Variants in ANGPTL5 observed in about 807,000 individuals in gnomAD.
ANGPTL5 encodes angiopoietin like 5, also known as angiopoietin-related protein 5.
In ANGPTL5, 34 loss-of-function variants were observed where a neutral mutation model predicts 39.4. The observed-to-expected ratio is 0.86, with a 90% CI of 0.66 to 1.15. ANGPTL5 has a LOEUF of 1.15. Ranked by LOEUF, ANGPTL5 falls within the 50% of genes most tolerant of loss-of-function variation. The pLI, the probability that ANGPTL5 is intolerant of heterozygous loss-of-function variation, is 0.00. For synonymous variants in ANGPTL5, 146 were observed against 152.1 expected, an observed-to-expected ratio of 0.96 and a Z score of 0.29; for missense variants, 467 against 457.5, an observed-to-expected ratio of 1.02 and a Z score of -0.19.
chr11:101,896,520 T>C (rs1263333853), intron 7 of ANGPTL5, among the ~76,000 whole-genome samples: 1 of 152,078 alleles, frequency 6.6e-6, no homozygotes, highest in Non-Finnish European at 1.5e-5. Flanking sequence ...CCCCACCCCC[T>C]GACAGGCTCC....
intron 1 of ANGPTL5, chr11:101,915,102 C>T (rs1940170612): frequency 2.3e-6 from 2 of 851,160 alleles, no homozygotes; most frequent in South Asian, 2.5e-5. Context: ...CAGCTGCCAT[C>T]GCCGCTACAG....
rs765615860 is a variant in ANGPTL5 at position 101,904,871 on chromosome 11, T to G, written c.382A>C (p.Thr128Pro). 1 of 1,613,626 alleles carries G rather than the reference T, an allele frequency of 6.2e-7. No homozygotes were observed. The highest frequency in any genetic ancestry group is 8.5e-7 in the Non-Finnish European group (1 of 1,179,620). ...TCCAGCTGTTTTCTAAAAACTTCTGTAGTCAAAAGGAGAACTCTATTCATG... is the reference window on the plus strand; with the variant it reads ...TCCAGCTGTTTTCTAAAAACTTCTGGAGTCAAAAGGAGAACTCTATTCATG... Reference protein sequence around the residue: ...ELMNRVLLLTTEVFRKQLDPF... With the variant: ...ELMNRVLLLTPEVFRKQLDPF... Residue 128 changes from threonine to proline, a missense_variant, in exon 5 of 9, where the codon ACA (threonine) becomes CCA (proline). Physicochemically the swap from Thr to Pro is conservative, Grantham distance 38 (BLOSUM62 -1). Coordinates refer to ENST00000334289, the MANE Select transcript of ANGPTL5 (RefSeq NM_178127.5).
chr11:101,913,557 C>T (rs1213934084), intron 1 of ANGPTL5, among the ~76,000 whole-genome samples: 5 of 152,016 alleles, frequency 3.3e-5, no homozygotes, highest in East Asian at 3.9e-4. Flanking sequence ...TCATAAATTA[C>T]GTGTTTTTTT....
chr11:101,902,800 G>A (rs1939928536), intron 5 of ANGPTL5, 79 bp from the exon 6 acceptor site: 1 of 830,582 alleles, frequency 1.2e-6, no homozygotes, highest in Non-Finnish European at 2.0e-6. Context: ...AGAATTGATA[G>A]TGCTATTATC....
chr11:101,904,707 G>C, intron 5 of ANGPTL5, 107 bp downstream of exon 5: 1 of 960,506 alleles, frequency 1.0e-6, no homozygotes, highest in Non-Finnish European at 1.7e-6. Context: ...GTTAGAGAAC[G>C]GTGAGCTGTA....
At chr11:101,893,324 A>G (rs1454133360) in intron 8 of ANGPTL5, among the ~76,000 whole-genome samples, 1 of 152,232 alleles carries the variant, frequency 6.6e-6, no homozygotes, top group East Asian at 1.9e-4. Flanking sequence ...TGTGTTGCTC[A>G]AATATTCAAA....
intron 6 of ANGPTL5, among the ~76,000 whole-genome samples, chr11:101,902,282 C>T (rs2137058136): frequency 6.6e-6 from 1 of 152,172 alleles, no homozygotes; most frequent in East Asian, 1.9e-4. Flanking sequence ...CTAATTAAAG[C>T]AAGCAAGTAT....
chr11:101,909,601 A>G (rs1321302807), intron 1 of ANGPTL5, among the ~76,000 whole-genome samples: 5 of 152,234 alleles, frequency 3.3e-5, no homozygotes, highest in Admixed American at 3.3e-4. Context: ...TAAATCAGCC[A>G]GATGTTAAAA....
In ANGPTL5 at chr11:101,907,956, C is replaced by G. The variant is rs1037613629; in HGVS notation, c.-47G>C. On this transcript the variant is annotated 5_prime_UTR_variant, in exon 2 of 9. Transcript: ENST00000334289. ...ACACTTCTTCAAATATCAGTCAGCTCTTTGTGGAAAGAACTACAGAGCATA... is the reference window on the plus strand; with the variant it reads ...ACACTTCTTCAAATATCAGTCAGCTGTTTGTGGAAAGAACTACAGAGCATA... 7.4e-7 allele frequency: 1 copy of G among 1,357,406 alleles called. No homozygotes were observed. Among genetic ancestry groups the G allele is most frequent in the Non-Finnish European group, 1.0e-6 (1 of 952,680 alleles). 84.1% of individuals were successfully genotyped at this position (1,357,406 alleles called of 1,614,324 possible). A position where few individuals can be genotyped will look rare whatever the true frequency, so the allele number is the denominator to read the frequency against.
At chr11:101,892,127 G>T (rs574687658) in intron 8 of ANGPTL5, among the ~76,000 whole-genome samples, 1 of 152,236 alleles carries the variant, frequency 6.6e-6, no homozygotes, top group African/African-American at 2.4e-5. Context: ...TACTGTTGAG[G>T]TGTACCTTTT....
At chr11:101,908,210 A>C (rs1466152264) in intron 1 of ANGPTL5, among the ~76,000 whole-genome samples, 4 of 152,208 alleles carry the variant, frequency 2.6e-5, no homozygotes, top group Non-Finnish European at 5.9e-5. Context: ...TAAATAAATA[A>C]ATAAATGACA....
At chr11:101,905,706 G>A (rs1939987340) in intron 4 of ANGPTL5, 38 bp downstream of exon 4, 7 of 1,358,470 alleles carry the variant, frequency 5.2e-6, no homozygotes, top group Non-Finnish European at 7.4e-6. Context: ...ACATCAACGT[G>A]TACATGCAAT....
At chr11:101,913,086 C>T (rs1426744698) in intron 1 of ANGPTL5, among the ~76,000 whole-genome samples, 1 of 152,224 alleles carries the variant, frequency 6.6e-6, no homozygotes, top group Non-Finnish European at 1.5e-5. Context: ...CAGACACTGA[C>T]TAACTGACCC....
At position 101,891,035 on chromosome 11, in the gene ANGPTL5, G is replaced by T. The variant is rs181118192; in HGVS notation, c.*244C>A. On this transcript the variant is annotated 3_prime_UTR_variant, in exon 9 of 9. Coordinates refer to ENST00000334289, the MANE Select transcript of ANGPTL5 (RefSeq NM_178127.5). ...ATAAATTTTAGGAAGACAAGTTGTA[G>T]TTCACTTGAAACAAATTTCATTGTA... is the stretch of plus-strand genomic sequence containing the variant. 1 of 316,932 alleles carries T rather than the reference G, an allele frequency of 3.2e-6. No individual in the cohort carries two copies. Among genetic ancestry groups the T allele is most frequent in the Non-Finnish European group, 5.7e-6 (1 of 174,210 alleles). The allele number at this position is 316,932 out of a possible 1,614,324, so 19.6% of individuals were successfully genotyped here.
intron 4 of ANGPTL5, 124 bp from the exon 5 acceptor site, chr11:101,905,031 C>T: frequency 1.4e-6 from 1 of 723,638 alleles, no homozygotes; most frequent in Non-Finnish European, 2.4e-6. Context: ...TTTCTTACTG[C>T]TTTAACAAAG....
chr11:101,899,672 T>C (rs1376926664), intron 7 of ANGPTL5, among the ~76,000 whole-genome samples: 4 of 152,228 alleles, frequency 2.6e-5, no homozygotes, highest in Non-Finnish European at 2.9e-5. Flanking sequence ...AAATTGCTTC[T>C]AAAATCACTG....
intron 3 of ANGPTL5, 106 bp from the exon 4 acceptor site, chr11:101,905,953 A>G (rs1939991511): frequency 4.4e-6 from 3 of 680,538 alleles, no homozygotes; most frequent in African/African-American, 3.6e-5. Flanking sequence ...TGTTAACTCA[A>G]TACTATCTCA....
chr11:101,902,697 TC>T lies in ANGPTL5; in HGVS notation c.463del (p.Asp155IlefsTer15). The T allele has an allele frequency of 6.2e-7, 1 of 1,610,930 alleles. No homozygotes were observed. Among genetic ancestry groups the T allele is most frequent in the Non-Finnish European group, 8.5e-7 (1 of 1,177,684 alleles). Reference protein sequence around the residue: ...SHGLDCTDIKDTIGSVTKTPS... With the variant: ...SHGLDCTDIKXTIGSVTKTPS... Reference sequence around the variant, plus strand: ...TGTTTTGGTGACAGAGCCAATGGTATCCTTAATATCAGTGCAATCTAAACCT... The same window carrying T: ...TGTTTTGGTGACAGAGCCAATGGTATCTTAATATCAGTGCAATCTAAACCT... On this transcript the variant is annotated frameshift_variant, in exon 6 of 9. Transcript: ENST00000334289. LOFTEE classifies it high-confidence loss of function.
chr11:101,912,358 G>A (rs1438186322), intron 1 of ANGPTL5, among the ~76,000 whole-genome samples: 1 of 152,172 alleles, frequency 6.6e-6, no homozygotes, highest in Non-Finnish European at 1.5e-5. Flanking sequence ...AAGAGATGAA[G>A]TTGATAAAAT....
Sources: gnomAD v4.1 joint callset for allele counts (sites outside exome capture counted in the v4.1 genomes callset) on GRCh38, gnomAD v4.1.1 for gene constraint, MANE v1.5 for transcripts, NCBI Gene and HGNC (gene_info 2026-07-23, HGNC 2026-07-21) for gene names.